PMFBP1: variants seen among roughly 807,000 people sequenced by gnomAD.
PMFBP1 encodes polyamine-modulated factor 1-binding protein 1.
In PMFBP1, 131 loss-of-function variants were observed where a neutral mutation model predicts 137.8. The observed-to-expected ratio is 0.95, with a 90% CI of 0.82 to 1.10. The LOEUF (loss-of-function observed/expected upper bound fraction) is 1.10, where lower values mean the gene tolerates loss of function less well. Ranked by LOEUF, PMFBP1 falls within the 50% of genes least tolerant of loss-of-function variation. PMFBP1 has a pLI of 0.00. For synonymous variants in PMFBP1, 490 were observed against 450.4 expected, an observed-to-expected ratio of 1.09 and a Z score of -1.11; for missense variants, 1,199 against 1,175.4, an observed-to-expected ratio of 1.02 and a Z score of -0.29.
chr16:72,239,915 A>AAAAAAAG, the PMFBP1 span, among the ~76,000 whole-genome samples: 573 of 144,898 alleles, frequency 4.0e-3, 8 homozygotes, highest in Non-Finnish European at 6.1e-3. Context: ...AAAAAAAAAA[A>AAAAAAAG]AAGAATGTTC....
chr16:72,141,534 C>G (rs1302917249), intron 5 of PMFBP1, among the ~76,000 whole-genome samples: 1 of 152,058 alleles, frequency 6.6e-6, no homozygotes, highest in Non-Finnish European at 1.5e-5. Flanking sequence ...TGAATCTGTA[C>G]AATATAAATT....
chr16:72,160,085 C>A (rs993370909), intron 3 of PMFBP1, among the ~76,000 whole-genome samples: 2 of 152,162 alleles, frequency 1.3e-5, no homozygotes, highest in Admixed American at 6.5e-5. Flanking sequence ...ACATTTCATC[C>A]CTACTTGTGG....
At chr16:72,171,126 C>G (rs189048532) in intron 2 of PMFBP1, 71 bp downstream of exon 2, 2 of 1,526,840 alleles carry the variant, frequency 1.3e-6, no homozygotes, top group Admixed American at 3.5e-5. Flanking sequence ...AATTTTGAAT[C>G]ATAAAACATG....
the PMFBP1 span, among the ~76,000 whole-genome samples, chr16:72,220,075 G>A: frequency 2.0e-5 from 3 of 152,152 alleles, no homozygotes; most frequent in East Asian, 1.9e-4. Flanking sequence ...ACACACTCAC[G>A]TATGGCAGTT....
At chr16:72,226,620 A>C in the PMFBP1 span, among the ~76,000 whole-genome samples, 1 of 152,176 alleles carries the variant, frequency 6.6e-6, no homozygotes, top group Non-Finnish European at 1.5e-5. Flanking sequence ...CTTTGTAAGA[A>C]TTTTGTCTCT....
chr16:72,150,469 G>T, intron 5 of PMFBP1, 139 bp downstream of exon 5: 3 of 784,258 alleles, frequency 3.8e-6, no homozygotes, highest in Non-Finnish European at 4.3e-6. Context: ...TTCAAAAGCT[G>T]AGGGCTACAA....
At chr16:72,129,320 G>T in intron 12 of PMFBP1, 87 bp from the exon 13 acceptor site, 1 of 1,424,590 alleles carries the variant, frequency 7.0e-7, no homozygotes, top group Non-Finnish European at 9.4e-7. Context: ...ACAGGGCATG[G>T]CTGAGATGAA....
intron 20 of PMFBP1, 94 bp from the exon 21 acceptor site, chr16:72,119,448 T>C (rs1249816516): frequency 5.0e-6 from 8 of 1,608,658 alleles, no homozygotes; most frequent in Non-Finnish European, 6.8e-6. Context: ...GCAGCTCTGC[T>C]GCAGGGTGAC....
chr16:72,182,475 A>T, the PMFBP1 span, among the ~76,000 whole-genome samples: 1 of 146,890 alleles, frequency 6.8e-6, no homozygotes, highest in Non-Finnish European at 1.5e-5. Flanking sequence ...CAGCCTGAGC[A>T]ACAGAGTGAA....
the PMFBP1 span, among the ~76,000 whole-genome samples, chr16:72,196,929 A>G: frequency 6.6e-6 from 1 of 152,302 alleles, no homozygotes; most frequent in East Asian, 1.9e-4. Context: ...TGTGACTTAC[A>G]TTTGCTTGAT....
At chr16:72,239,018 A>C in the PMFBP1 span, among the ~76,000 whole-genome samples, 1 of 152,186 alleles carries the variant, frequency 6.6e-6, no homozygotes, top group South Asian at 2.1e-4. Flanking sequence ...ACCCAAAAAA[A>C]CAAAAAAACA....
intron 7 of PMFBP1, among the ~76,000 whole-genome samples, chr16:72,137,991 G>A (rs984076492): frequency 3.9e-5 from 6 of 152,054 alleles, no homozygotes; most frequent in African/African-American, 1.2e-4. Context: ...AAAAGCTGGC[G>A]TGGGTCTCTC....
chr16:72,202,447 G>T, the PMFBP1 span, among the ~76,000 whole-genome samples: 1 of 152,236 alleles, frequency 6.6e-6, no homozygotes, highest in South Asian at 2.1e-4. Context: ...CAAAGTGCTG[G>T]GATTACAGGC....
chr16:72,248,567 G>A, the PMFBP1 span, among the ~76,000 whole-genome samples: 6 of 152,284 alleles, frequency 3.9e-5, no homozygotes, highest in African/African-American at 1.4e-4. Context: ...TTTGAGATTT[G>A]TGTGTTTTAT....
At chr16:72,190,697 C>T in the PMFBP1 span, among the ~76,000 whole-genome samples, 1 of 152,042 alleles carries the variant, frequency 6.6e-6, no homozygotes, top group Non-Finnish European at 1.5e-5. Flanking sequence ...GTTGGGGAGG[C>T]AGACCAGATG....
At chr16:72,146,223 C>T (rs530296638) in intron 5 of PMFBP1, among the ~76,000 whole-genome samples, 5 of 152,240 alleles carry the variant, frequency 3.3e-5, no homozygotes, top group African/African-American at 9.6e-5. Flanking sequence ...GTTCAACACA[C>T]GCAAATCAAT....
In PMFBP1 at chr16:72,125,283, C is replaced by T. The variant is rs375591739; in HGVS notation, c.2376G>A (p.Thr792=). 16 of 1,614,054 alleles carry T rather than the reference C, an allele frequency of 9.9e-6. No homozygotes were observed. The African/African-American group carries it at 1.6e-4, about 16-fold the overall frequency. ...AYEERMKKLN[T]ELRKLRGFHQ... ...GGAAGCCCCGCAGTTTTCTTAATTC[C>T]GTATTGAGCTTTTTCATCCTTTCCT... The change falls in exon 16 of 21, where the codon ACG becomes ACA. Residue 792 remains threonine (T), a synonymous_variant. Transcript: ENST00000237353.
chr16:72,126,108 T>G lies in PMFBP1; in HGVS notation c.2113A>C (p.Met705Leu). 6.2e-7 allele frequency: 1 copy of G among 1,614,114 alleles called. No homozygotes were observed. Among genetic ancestry groups the G allele is most frequent in the Non-Finnish European group, 8.5e-7 (1 of 1,179,994 alleles). ...TTGTCCAGCTGGGCCTGCAGGCTCA[T>G]TAAGGACTCCTTCTGAAGGGCTATC... ...KEIALQKESL[M>L]SLQAQLDKAL... The change falls in exon 15 of 21, where the codon ATG (methionine) becomes CTG (leucine). Residue 705 changes from methionine (M) to leucine (L), a missense_variant. Transcript: ENST00000237353.
intron 3 of PMFBP1, among the ~76,000 whole-genome samples, chr16:72,162,802 C>T (rs1323625567): frequency 1.3e-5 from 2 of 152,150 alleles, no homozygotes; most frequent in Non-Finnish European, 2.9e-5. Context: ...CATGGCTTTC[C>T]CTGACTGGGG....
Sources: allele counts gnomAD v4.1 joint callset (sites outside exome capture counted in the v4.1 genomes callset), GRCh38; gene constraint gnomAD v4.1.1; transcripts MANE v1.5; gene names NCBI Gene and HGNC (gene_info 2026-07-23, HGNC 2026-07-21).